The following PGM5 variants were observed in gnomAD, a reference collection of about 807,000 sequenced individuals.
PGM5 encodes the protein phosphoglucomutase 5.
A neutral mutation model predicts 59.2 loss-of-function variants in PGM5; 23 were observed. The ratio of observed to expected loss-of-function variants is 0.39; its 90% confidence interval spans 0.28 to 0.55. The LOEUF (loss-of-function observed/expected upper bound fraction) is 0.55. Ranked by LOEUF, PGM5 falls within the 20% of genes least tolerant of loss-of-function variation. The pLI is 0.66. For synonymous variants in PGM5, 214 were observed against 286.0 expected (o/e 0.75, Z 2.54); for missense variants, 574 against 748.3 (o/e 0.77, Z 2.72).
At chr9:68,477,033 T>C (rs1587822862) in intron 7 of PGM5, among the ~76,000 whole-genome samples, 1 of 152,238 alleles carries the variant, frequency 6.6e-6, no homozygotes, top group African/African-American at 2.4e-5. Flanking sequence ...GTGATCCCAC[T>C]GGGCAGGGTT....
chr9:68,372,357 T>G (rs1180846049), intron 1 of PGM5, among the ~76,000 whole-genome samples: 125 of 151,750 alleles, frequency 8.2e-4, no homozygotes, highest in African/African-American at 2.9e-3. Flanking sequence ...TCTTTGCATC[T>G]GTCTTCATAT....
At chr9:68,494,613 A>G (rs888084185) in intron 9 of PGM5, among the ~76,000 whole-genome samples, 1 of 152,216 alleles carries the variant, frequency 6.6e-6, no homozygotes, top group African/African-American at 2.4e-5. Flanking sequence ...AAGACCTCCC[A>G]CTGATTTCAA....
At chr9:68,466,959 G>T (rs990744882) in intron 7 of PGM5, among the ~76,000 whole-genome samples, 1 of 152,104 alleles carries the variant, frequency 6.6e-6, no homozygotes, top group African/African-American at 2.4e-5. Flanking sequence ...ACTTTTGCCC[G>T]TCTCTCAGAG....
intron 6 of PGM5, among the ~76,000 whole-genome samples, chr9:68,462,004 A>G (rs12000789): frequency 0.11 from 16,013 of 152,096 alleles, 1,483 homozygotes; most frequent in East Asian, 0.35. Context: ...ATACATAGGG[A>G]GTAGTGTGGG....
At chr9:68,381,634 ACACATG>A (rs1425914555) in intron 2 of PGM5, among the ~76,000 whole-genome samples, 6 of 129,814 alleles carry the variant, frequency 4.6e-5, no homozygotes, top group African/African-American at 2.4e-4. Context: ...TAAAGATTCT[ACACATG>A]CACACACACA....
chr9:68,429,184 C>G (rs1366522708), intron 6 of PGM5: 1 of 152,110 alleles, frequency 6.6e-6, no homozygotes, highest in East Asian at 1.9e-4. Flanking sequence ...TAGAACAGGT[C>G]TAGCACATAA....
intron 6 of PGM5, among the ~76,000 whole-genome samples, chr9:68,407,148 G>C (rs1554681210): frequency 1.3e-5 from 2 of 151,986 alleles, no homozygotes; most frequent in East Asian, 3.9e-4. Flanking sequence ...TTTTTTTGGG[G>C]TGGGGAAGGG....
chr9:68,468,646 C>G (rs1483067542), intron 7 of PGM5, among the ~76,000 whole-genome samples: 1 of 152,128 alleles, frequency 6.6e-6, no homozygotes, highest in Non-Finnish European at 1.5e-5. Context: ...TAATAATTTC[C>G]TCTATCCTCA....
intron 2 of PGM5, among the ~76,000 whole-genome samples, chr9:68,381,665 C>A (rs1822078141): frequency 6.7e-6 from 1 of 149,766 alleles, no homozygotes; most frequent in South Asian, 2.1e-4. Context: ...CACACAAACA[C>A]ACACACAAAT....
At chr9:68,369,342 G>A (rs1834741532) in intron 1 of PGM5, among the ~76,000 whole-genome samples, 1 of 152,134 alleles carries the variant, frequency 6.6e-6, no homozygotes, top group Admixed American at 6.5e-5. Context: ...CAAAATCTCA[G>A]CTTACCTCAG....
rs574549509 is a variant in PGM5, at chr9:68,410,558, T to TGAG, written c.1043+18107_1043+18109dup. 2.4e-3 allele frequency among the ~76,000 whole-genome samples: 360 copies of TGAG among 151,838 alleles called. 3 individuals carry two copies. The highest frequency in any genetic ancestry group is 2.1e-3 in the South Asian group (10 of 4,790). On this transcript the variant is annotated intron_variant, in intron 6 of 10. Coordinates refer to ENST00000396396, the MANE Select transcript of PGM5 (RefSeq NM_021965.4). ...TTGATGATGGTGATGAGGATGATGA[T>TGAG]GAGGAGGAGGAGGAGGAGGAGGAGA...
At chr9:68,368,580 G>T (rs1834724783) in intron 1 of PGM5, among the ~76,000 whole-genome samples, 1 of 152,196 alleles carries the variant, frequency 6.6e-6, no homozygotes, top group Non-Finnish European at 1.5e-5. Context: ...ATGTAAGCAT[G>T]TTACAATTAA....
intron 10 of PGM5, among the ~76,000 whole-genome samples, chr9:68,528,441 G>A (rs1461900505): frequency 6.6e-6 from 1 of 152,074 alleles, no homozygotes; most frequent in Non-Finnish European, 1.5e-5. Context: ...TGCGGTCTAT[G>A]TTGTTCAGGC....
At chr9:68,452,191 C>T (rs926733569) in intron 6 of PGM5, among the ~76,000 whole-genome samples, 1 of 152,214 alleles carries the variant, frequency 6.6e-6, no homozygotes, top group Non-Finnish European at 1.5e-5. Flanking sequence ...GAAGCAGTTC[C>T]AAGCTCAGAA....
At chr9:68,403,764 G>A (rs1477318180) in intron 6 of PGM5, among the ~76,000 whole-genome samples, 4 of 152,150 alleles carry the variant, frequency 2.6e-5, no homozygotes, top group Admixed American at 2.0e-4. Context: ...AGTCATTCGT[G>A]TGGGTTGGTG....
intron 7 of PGM5, chr9:68,466,228 T>C: frequency 8.0e-7 from 1 of 1,246,936 alleles, no homozygotes; most frequent in South Asian, 1.4e-5. Flanking sequence ...TCCAATCTGC[T>C]GATGAGCCTG....
chr9:68,492,700 A>C (rs1350363038), intron 9 of PGM5, among the ~76,000 whole-genome samples: 3 of 152,234 alleles, frequency 2.0e-5, no homozygotes, highest in Non-Finnish European at 4.4e-5. Context: ...AAAGCACCAT[A>C]TGGAGTAACT....
intron 2 of PGM5, among the ~76,000 whole-genome samples, chr9:68,383,274 C>A (rs1822123697): frequency 1.3e-5 from 2 of 152,096 alleles, no homozygotes; most frequent in Non-Finnish European, 1.5e-5. Flanking sequence ...ACATACTTTA[C>A]ATTTTTAGTA....
intron 7 of PGM5, among the ~76,000 whole-genome samples, chr9:68,466,902 C>G (rs1823943806): frequency 2.0e-5 from 3 of 152,184 alleles, no homozygotes; most frequent in Admixed American, 2.0e-4. Flanking sequence ...GTGCAGGATT[C>G]TGAGCACAAG....
Sources: allele counts gnomAD v4.1 joint callset (sites outside exome capture counted in the v4.1 genomes callset), GRCh38; gene constraint gnomAD v4.1.1; transcripts MANE v1.5; gene names NCBI Gene and HGNC (gene_info 2026-07-23, HGNC 2026-07-21).